Variants in PRKN observed in about 807,000 individuals in gnomAD.
PRKN encodes E3 ubiquitin-protein ligase parkin.
In PRKN, 56 loss-of-function variants were observed where a neutral mutation model predicts 59.5. That is an observed-to-expected ratio of 0.94 (90% CI 0.76 to 1.18). The LOEUF (loss-of-function observed/expected upper bound fraction) is 1.18. Among genes scored for constraint, PRKN ranks in the 50% most tolerant of loss-of-function variants. PRKN has a pLI of 0.00. For missense variants in PRKN, 657 were observed against 596.4 expected, an observed-to-expected ratio of 1.10 and a Z score of -1.06; for synonymous variants, 250 against 222.1, an observed-to-expected ratio of 1.13 and a Z score of -1.12.
Position 161,526,409 on chromosome 6 carries a change from G to C in PRKN, c.1083+22445C>G, listed in dbSNP as rs936866282. ...GAAAAGTACCTAAGCTACAACAATG[G>C]GCAAAAAGTTTCTCGAATGCACACA... is the stretch of plus-strand genomic sequence containing the variant. On this transcript the variant is annotated intron_variant, in intron 9 of 11. Coordinates refer to ENST00000366898, the MANE Select transcript of PRKN (RefSeq NM_004562.3). The surrounding 1 kb of genome is among the most constrained non-coding windows in gnomAD (Gnocchi z 4.1). Among the ~76,000 whole-genome samples, 1 of 152,114 alleles carries C rather than the reference G, an allele frequency of 6.6e-6. No individual in the cohort carries two copies. The highest frequency in any genetic ancestry group is 1.5e-5 in the Non-Finnish European group (1 of 68,026).
chr6:161,360,171 G>A lies in PRKN; in HGVS notation c.1202C>T (p.Ala401Val). The A allele has an allele frequency of 6.2e-7, 1 of 1,614,192 alleles. No homozygotes were observed. Among genetic ancestry groups the A allele is most frequent in the East Asian group, 2.2e-5 (1 of 44,878 alleles). The change falls in exon 11 of 12, where the codon GCT (alanine) becomes GTT (valine). Residue 401 changes from alanine (A) to valine (V), a missense_variant. Physicochemically the swap from Ala to Val is moderately conservative, Grantham distance 64. Coordinates refer to ENST00000366898, the MANE Select transcript of PRKN (RefSeq NM_004562.3). The surrounding 1 kb of genome is among the most constrained non-coding windows in gnomAD (Gnocchi z 5.1). Reference sequence around the variant, plus strand: ...TTCTTTGGAGGCTGCTTCCCAACGAGCCTGCTCGGCGGCTCTTTCATCGAC... The same window carrying A: ...TTCTTTGGAGGCTGCTTCCCAACGAACCTGCTCGGCGGCTCTTTCATCGAC... ...YRVDERAAEQ[A>V]RWEAASKETI...
At chr6:161,611,604 TTG>T (rs1260924962) in intron 7 of PRKN, among the ~76,000 whole-genome samples, 1 of 152,148 alleles carries the variant, frequency 6.6e-6, no homozygotes, top group African/African-American at 2.4e-5. Context: ...TGGTAAAGTG[TTG>T]TGTGTGTTCT....
intron 6 of PRKN, among the ~76,000 whole-genome samples, chr6:161,812,780 T>C (rs112301638): frequency 6.6e-5 from 10 of 152,346 alleles, no homozygotes; most frequent in African/African-American, 1.9e-4. Flanking sequence ...TTAAATATTA[T>C]TGTGGAGATA....
chr6:162,558,052 A>G (rs894627126), intron 1 of PRKN, among the ~76,000 whole-genome samples: 1 of 152,196 alleles, frequency 6.6e-6, no homozygotes, highest in Non-Finnish European at 1.5e-5. Context: ...CTATATATTA[A>G]TATCTACACA....
intron 5 of PRKN, among the ~76,000 whole-genome samples, chr6:161,980,266 CTT>C (rs1781210110): frequency 6.6e-6 from 1 of 152,102 alleles, no homozygotes; most frequent in Admixed American, 6.5e-5. Flanking sequence ...AAATTCCATT[CTT>C]GTCTCCAAAT....
chr6:161,524,186 G>A (rs549569076), intron 9 of PRKN, among the ~76,000 whole-genome samples: 26 of 152,148 alleles, frequency 1.7e-4, no homozygotes, highest in Admixed American at 3.3e-4. Flanking sequence ...ATTTTAGATC[G>A]TGGACTCCCT....
At chr6:161,915,004 G>T (rs539017614) in intron 6 of PRKN, among the ~76,000 whole-genome samples, 2 of 152,146 alleles carry the variant, frequency 1.3e-5, no homozygotes, top group Non-Finnish European at 1.5e-5. Context: ...TCTTTTTTGC[G>T]TTGGGTGCGG....
At chr6:161,438,472 T>C (rs1789035383) in intron 9 of PRKN, among the ~76,000 whole-genome samples, 1 of 152,022 alleles carries the variant, frequency 6.6e-6, no homozygotes, top group South Asian at 2.1e-4. Flanking sequence ...CACCTTAGCC[T>C]CCCAAGGTGC....
intron 6 of PRKN, among the ~76,000 whole-genome samples, chr6:161,968,449 C>A (rs888016682): frequency 6.6e-6 from 1 of 152,116 alleles, no homozygotes; most frequent in African/African-American, 2.4e-5. Context: ...CCTCCCACCC[C>A]ATCATGGCTG....
Position 161,360,274 on chromosome 6 carries a change from T to A in PRKN, c.1168-69A>T. ...TACTGGGATCAGAGTTTATGTTCCC[T>A]GTACGTCGGTACAGGAAATTCTTGA... On this transcript the variant is annotated intron_variant, in intron 10 of 11. Transcript: ENST00000366898. This position sits in a 1 kb window ranked among gnomAD's most constrained non-coding sequence, Gnocchi z 5.1. The A allele has an allele frequency of 1.6e-6, 2 of 1,221,846 alleles. No individual in the cohort carries two copies. The highest frequency in any genetic ancestry group is 2.4e-6 in the Non-Finnish European group (2 of 821,714). 75.7% of individuals were successfully genotyped at this position (1,221,846 alleles called of 1,614,324 possible).
chr6:162,681,575 C>T (rs1349787685), intron 1 of PRKN, among the ~76,000 whole-genome samples: 2 of 152,100 alleles, frequency 1.3e-5, no homozygotes, highest in Non-Finnish European at 2.9e-5. Flanking sequence ...TTCCCTTCAG[C>T]CCCTGATTAC....
At chr6:162,461,824 T>TAAAAA (rs72377172) in intron 1 of PRKN, among the ~76,000 whole-genome samples, 1 of 139,452 alleles carries the variant, frequency 7.2e-6, no homozygotes, top group African/African-American at 2.6e-5. Context: ...AGACTTCGTC[T>TAAAAA]AAAAAAAAAA....
In PRKN at chr6:162,380,513, A is replaced by G. The variant is rs1441306193; in HGVS notation, c.171+62797T>C. 1.6e-4 allele frequency among the ~76,000 whole-genome samples: 20 copies of G among 128,156 alleles called. 2 individuals carry two copies. The highest frequency in any genetic ancestry group is 4.8e-4 in the African/African-American group (16 of 33,488). The allele number at this position is 128,156 out of a possible 152,430, so 84.1% of individuals were successfully genotyped here. On this transcript the variant is annotated intron_variant, in intron 2 of 11. Coordinates refer to ENST00000366898, the MANE Select transcript of PRKN (RefSeq NM_004562.3). ...TATACACACATATATATGTGTGTAT[A>G]TATATATATATGTATATATACATAT...
intron 3 of PRKN, among the ~76,000 whole-genome samples, chr6:162,229,809 C>G (rs1344095697): frequency 2.6e-5 from 4 of 152,336 alleles, no homozygotes; most frequent in Non-Finnish European, 4.4e-5. Context: ...CGACCAATAC[C>G]TGTATCCTTT....
intron 9 of PRKN, among the ~76,000 whole-genome samples, chr6:161,418,654 T>C (rs1787959382): frequency 6.6e-6 from 1 of 152,188 alleles, no homozygotes. Flanking sequence ...ACAAGCATGT[T>C]TTCTGGAAAT....
intron 2 of PRKN, among the ~76,000 whole-genome samples, chr6:162,314,697 T>A (rs944936170): frequency 6.6e-6 from 1 of 152,148 alleles, no homozygotes. Flanking sequence ...TTTTAGATGT[T>A]CACTATCAAC....
intron 1 of PRKN, among the ~76,000 whole-genome samples, chr6:162,469,120 G>T (rs557054935): frequency 6.6e-6 from 1 of 152,144 alleles, no homozygotes; most frequent in Admixed American, 6.5e-5. Flanking sequence ...GTGATATAGT[G>T]ATCACAGAAA....
chr6:162,017,063 C>G (rs1782960171), intron 5 of PRKN, among the ~76,000 whole-genome samples: 1 of 152,164 alleles, frequency 6.6e-6, no homozygotes, highest in Admixed American at 6.6e-5. Context: ...TCTTAAATAT[C>G]TAAGATCATA....
intron 1 of PRKN, among the ~76,000 whole-genome samples, chr6:162,614,874 G>C (rs1360436325): frequency 6.6e-6 from 1 of 152,092 alleles, no homozygotes; most frequent in Non-Finnish European, 1.5e-5. Flanking sequence ...AAGATTATAG[G>C]CAATGCTCCA....
Sources: allele counts gnomAD v4.1 joint callset (sites outside exome capture counted in the v4.1 genomes callset), GRCh38; gene constraint gnomAD v4.1.1; non-coding constraint Gnocchi (gnomAD v3.1); transcripts MANE v1.5; gene names NCBI Gene and HGNC (gene_info 2026-07-23, HGNC 2026-07-21).